The following DNAH2 variants were observed in gnomAD, a reference collection of about 807,000 sequenced individuals.
The protein encoded by DNAH2 is dynein axonemal heavy chain 2, also known as axonemal beta dynein heavy chain 2.
A neutral mutation model predicts 523.5 loss-of-function variants in DNAH2; 323 were observed. The observed-to-expected ratio is 0.62, with a 90% CI of 0.56 to 0.68. The LOEUF is 0.68. Among genes scored for constraint, DNAH2 ranks in the 30% least tolerant of loss-of-function variants. DNAH2 has a pLI of 0.00. For missense variants in DNAH2, 4,907 were observed against 5,701.5 expected (o/e 0.86, Z 4.49); for synonymous variants, 2,093 against 2,177.4 (o/e 0.96, Z 1.08).
intron 15 of DNAH2, 109 bp downstream of exon 15, chr17:7,759,233 C>G: frequency 6.6e-7 from 1 of 1,504,310 alleles, no homozygotes; most frequent in Non-Finnish European, 8.9e-7. Context: ...CCAGTGTGTA[C>G]TTCTCAAACA....
intron 76 of DNAH2, 111 bp downstream of exon 76, chr17:7,824,415 C>G (rs534036605): frequency 6.5e-4 from 926 of 1,426,820 alleles, no homozygotes; most frequent in Non-Finnish European, 7.8e-4. Flanking sequence ...ACAGAGGGCC[C>G]CAGAAGTGGC....
At position 7,777,608 on chromosome 17, in the gene DNAH2, A is replaced by G. The variant is rs754102945; in HGVS notation, c.5221A>G (p.Ser1741Gly). ...GGATGTCAATTCCTTTGACTGGCTC[A>G]GCCAACTTCGGTTCTACTGGGAGAA... ...LMDVNSFDWLSQLRFYWEKDL... is the reference protein window; with the variant it reads ...LMDVNSFDWLGQLRFYWEKDL... The change falls in exon 33 of 86, where the codon AGC (serine) becomes GGC (glycine). Residue 1741 changes from serine (S) to glycine (G), a missense_variant. Ser to Gly is a moderately conservative substitution (Grantham distance 56). Coordinates refer to ENST00000572933, the MANE Select transcript of DNAH2 (RefSeq NM_020877.5). The G allele has an allele frequency of 6.2e-7, 1 of 1,614,076 alleles. No individual in the cohort carries two copies.
rs557557392 is a variant in DNAH2 at position 7,718,002 on chromosome 17, G to C, written c.-812G>C. On this transcript the variant is annotated 5_prime_UTR_variant, in exon 1 of 86. Transcript: ENST00000572933. ...GAGAAGGGGCAGTTGTGACAGCTGG[G>C]GGGGAAGAGCCATTCTGAGGGGAAA... 8 of 151,364 alleles carry C rather than the reference G, an allele frequency of 5.3e-5. No homozygotes were observed. The highest frequency in any genetic ancestry group is 1.3e-4 in the Admixed American group (2 of 15,182). The allele number at this position is 151,364 out of a possible 1,614,324, so 9.4% of individuals were successfully genotyped here. A position where few individuals can be genotyped will look rare whatever the true frequency, so the allele number is the denominator to read the frequency against.
chr17:7,783,399 A>C (rs994637498), intron 39 of DNAH2, among the ~76,000 whole-genome samples: 37 of 152,182 alleles, frequency 2.4e-4, no homozygotes, highest in African/African-American at 8.7e-4. Context: ...TAAAGAAGAA[A>C]TTGATACCCG....
chr17:7,743,587 G>C (rs2075423731), intron 12 of DNAH2: 3 of 550,348 alleles, frequency 5.5e-6, no homozygotes, highest in Non-Finnish European at 9.7e-6. Flanking sequence ...GATCGCCTGA[G>C]CCCGGGAGGC....
At position 7,768,258 on chromosome 17, in the gene DNAH2, T is replaced by A; in HGVS notation, c.3932T>A (p.Leu1311His). ...PLISDLRNPALRERHWDQVRD... is the reference protein window; with the variant it reads ...PLISDLRNPAHRERHWDQVRD... ...ATCTCAGACCTGCGGAACCCTGCCC[T>A]TAGAGAGAGGTGAGGCTTCTCCTCT... The change falls in exon 24 of 86, where the codon CTT (leucine) becomes CAT (histidine). Residue 1311 changes from leucine (L) to histidine (H), a missense_variant. This residue lies in a region of DNAH2 where 2,806 missense variants were observed against 3,190.8 expected (regional missense o/e 0.88). Coordinates refer to ENST00000572933, the MANE Select transcript of DNAH2 (RefSeq NM_020877.5). 1 of 1,614,182 alleles carries A rather than the reference T, an allele frequency of 6.2e-7. No homozygotes were observed. The highest frequency in any genetic ancestry group is 2.2e-5 in the East Asian group (1 of 44,884).
intron 11 of DNAH2, among the ~76,000 whole-genome samples, chr17:7,742,279 AAGTT>A (rs753799013): frequency 1.1e-4 from 16 of 151,892 alleles, no homozygotes; most frequent in Admixed American, 1.1e-3. Flanking sequence ...AAAATACAAA[AAGTT>A]AGCCAGGTGT....
At chr17:7,789,579 CTTT>C (rs58735826) in intron 44 of DNAH2, among the ~76,000 whole-genome samples, 2 of 140,684 alleles carry the variant, frequency 1.4e-5, no homozygotes, top group African/African-American at 2.6e-5. Context: ...GAGGAATACT[CTTT>C]TTTTTTTTTT....
intron 63 of DNAH2, among the ~76,000 whole-genome samples, chr17:7,811,212 A>G (rs1413648442): frequency 3.3e-5 from 5 of 152,206 alleles, no homozygotes; most frequent in Non-Finnish European, 7.3e-5. Flanking sequence ...ATCAGAGGCC[A>G]TTTAGTTCAA....
rs1715777872 is a variant in DNAH2, at chr17:7,801,780, C to T, written c.8832+70C>T. 4.4e-6 allele frequency: 7 copies of T among 1,608,616 alleles called. No individual in the cohort carries two copies. In the South Asian group the frequency reaches 7.7e-5, roughly 18 times the overall value. ...CTCCCCCGCCTCTCATCTCTCATCG[C>T]ACCCCCGGCCTCTCTCCTTCCCGCC... is the stretch of plus-strand genomic sequence containing the variant. On this transcript the variant is annotated intron_variant, in intron 57 of 85. Coordinates refer to ENST00000572933, the MANE Select transcript of DNAH2 (RefSeq NM_020877.5).
intron 34 of DNAH2, 47 bp from the exon 35 acceptor site, chr17:7,778,231 TGA>T (rs1160423388): frequency 1.9e-6 from 3 of 1,613,998 alleles, no homozygotes; most frequent in Non-Finnish European, 2.5e-6. Flanking sequence ...CAGCAGAAGC[TGA>T]GAGAGGCTTC....
Position 7,723,639 on chromosome 17 carries a change from G to A in DNAH2, c.178G>A (p.Glu60Lys). ...LPKEEPEPRLEGPQAQSEESV... is the reference protein window; with the variant it reads ...LPKEEPEPRLKGPQAQSEESV... ...TTTATTCTTCCTAGAGCCACGGTTGGAGGGACCTCAAGCACAGAGTGAAGA... is the reference window on the plus strand; with the variant it reads ...TTTATTCTTCCTAGAGCCACGGTTGAAGGGACCTCAAGCACAGAGTGAAGA... The change falls in exon 3 of 86, where the codon GAG (glutamate) becomes AAG (lysine). Residue 60 changes from glutamate (E) to lysine (K), a missense_variant. Physicochemically the swap from Glu to Lys is moderately conservative, Grantham distance 56. This residue lies in a region of DNAH2 where 2,806 missense variants were observed against 3,190.8 expected (regional missense o/e 0.88). Transcript: ENST00000572933. The A allele has an allele frequency of 1.2e-6, 2 of 1,613,978 alleles. No individual in the cohort carries two copies. The highest frequency in any genetic ancestry group is 1.7e-6 in the Non-Finnish European group (2 of 1,179,960).
chr17:7,732,680 G>A (rs572995070), intron 4 of DNAH2, among the ~76,000 whole-genome samples: 2 of 152,276 alleles, frequency 1.3e-5, no homozygotes, highest in South Asian at 4.1e-4. Context: ...CAACCAAAAT[G>A]GAAAACCCTA....
rs2077004439 is a variant in DNAH2 at position 7,794,317 on chromosome 17, C to T, written c.7633C>T (p.Leu2545=). The change falls in exon 49 of 86, where the codon CTA becomes TTA. Residue 2545 remains leucine (L), a synonymous_variant. Coordinates refer to ENST00000572933, the MANE Select transcript of DNAH2 (RefSeq NM_020877.5). ...TGGACGGACTGTCATCTCCCCAAGG[C>T]TACGGAGTCGCTTCAACATTATCAA... ...GGGRTVISPR[L]RSRFNIINMT... 1 of 1,610,478 alleles carries T rather than the reference C, an allele frequency of 6.2e-7. No individual in the cohort carries two copies. Among genetic ancestry groups the T allele is most frequent in the Non-Finnish European group, 8.5e-7 (1 of 1,178,574 alleles).
At position 7,786,675 on chromosome 17, in the gene DNAH2, A is replaced by G; in HGVS notation, c.6454A>G (p.Thr2152Ala). ...TGGCATCTTGTCCAGTGTCATGCGG[A>G]CGGCATGTGCAGGTATCCAGAGGAT... ...TDGILSSVMR[T>A]ACADEKPDEK... The change falls in exon 41 of 86, where the codon ACG becomes GCG. Residue 2152 changes from threonine (T) to alanine (A), a missense_variant. By Grantham distance (58) the Thr-to-Ala change is moderately conservative. Coordinates refer to ENST00000572933, the MANE Select transcript of DNAH2 (RefSeq NM_020877.5). This position sits in a 1 kb window ranked among gnomAD's most constrained non-coding sequence, Gnocchi z 7.5. 2 of 1,613,936 alleles carry G rather than the reference A, an allele frequency of 1.2e-6. No homozygotes were observed. Among genetic ancestry groups the G allele is most frequent in the Non-Finnish European group, 1.7e-6 (2 of 1,180,022 alleles).
intron 44 of DNAH2, among the ~76,000 whole-genome samples, chr17:7,790,794 C>G (rs1199387593): frequency 6.6e-6 from 1 of 151,936 alleles, no homozygotes; most frequent in African/African-American, 2.4e-5. Flanking sequence ...GCAGCCTCAA[C>G]ATTCTGGGCT....
At chr17:7,753,338 G>A (rs766772073) in intron 12 of DNAH2, among the ~76,000 whole-genome samples, 61 of 152,294 alleles carry the variant, frequency 4.0e-4, no homozygotes, top group Non-Finnish European at 2.9e-4. Context: ...GCACAACGAA[G>A]CCCAGAGCTC....
At position 7,754,901 on chromosome 17, in the gene DNAH2, C is replaced by G. The variant is rs1469396344; in HGVS notation, c.1905-2190C>G. 1 of 577,010 alleles carries G rather than the reference C, an allele frequency of 1.7e-6. No homozygotes were observed. The highest frequency in any genetic ancestry group is 2.9e-5 in the Admixed American group (1 of 35,082). The allele number at this position is 577,010 out of a possible 1,614,324, so 35.7% of individuals were successfully genotyped here. On this transcript the variant is annotated intron_variant, in intron 12 of 85. Transcript: ENST00000572933. The surrounding 1 kb of genome is among the most constrained non-coding windows in gnomAD (Gnocchi z 4.6). ...GGACAGAAGGACAGGTGCCACCCAC[C>G]CCGGGCTGCCGTCTGCATGGGGCTG... is the stretch of plus-strand genomic sequence containing the variant.
chr17:7,759,489 A>C lies in DNAH2; in HGVS notation c.2516A>C (p.Asn839Thr). Residue 839 changes from asparagine (N) to threonine (T), a missense_variant, in exon 16 of 86, where the codon AAT (asparagine) becomes ACT (threonine). This residue lies in a region of DNAH2 where 2,806 missense variants were observed against 3,190.8 expected (regional missense o/e 0.88). Transcript: ENST00000572933. ...ATGATGGAGGATGCCCTGCGCCTGA[A>C]TGTGAAGTGGTCACTGCTAGAACTA... is the stretch of plus-strand genomic sequence containing the variant. ...DRMMEDALRL[N>T]VKWSLLELSK... is the part of the protein sequence containing the mutation. The C allele has an allele frequency of 6.2e-7, 1 of 1,614,192 alleles. No individual in the cohort carries two copies. The highest frequency in any genetic ancestry group is 8.5e-7 in the Non-Finnish European group (1 of 1,180,040).
Sources: gnomAD v4.1 joint callset for allele counts (sites outside exome capture counted in the v4.1 genomes callset) on GRCh38, gnomAD v4.1.1 for gene constraint, gnomAD v4.1.1 regional missense constraint, Gnocchi (gnomAD v3.1) non-coding constraint, MANE v1.5 for transcripts, NCBI Gene and HGNC (gene_info 2026-07-23, HGNC 2026-07-21) for gene names.